The following NRXN1 variants were observed in gnomAD, a reference collection of about 807,000 sequenced individuals.
NRXN1 encodes neurexin 1, also known as neurexin-1.
NRXN1 carries 39 observed loss-of-function variants against 150.9 expected under a neutral mutation model. That is an observed-to-expected ratio of 0.26 (90% CI 0.20 to 0.34). The LOEUF (loss-of-function observed/expected upper bound fraction) is 0.34, where lower values mean the gene tolerates loss of function less well. Among genes scored for constraint, NRXN1 ranks in the 10% least tolerant of loss-of-function variants. NRXN1 has a pLI of 1.00. For synonymous variants in NRXN1, 924 were observed against 757.0 expected, an observed-to-expected ratio of 1.22 and a Z score of -3.62; for missense variants, 1,815 against 1,949.9, an observed-to-expected ratio of 0.93 and a Z score of 1.30.
At chr2:50,386,670 G>T (rs928636547) in intron 17 of NRXN1, among the ~76,000 whole-genome samples, 1 of 152,126 alleles carries the variant, frequency 6.6e-6, no homozygotes, top group East Asian at 1.9e-4. Context: ...AATGATTCAG[G>T]ATACCAAGTT....
At chr2:50,075,919 C>T (rs1285782351) in intron 19 of NRXN1, among the ~76,000 whole-genome samples, 1 of 152,140 alleles carries the variant, frequency 6.6e-6, no homozygotes, top group Non-Finnish European at 1.5e-5. Context: ...TGGGGCAGCA[C>T]CCGAGCTGTC....
chr2:50,777,021 G>A (rs958735629), intron 5 of NRXN1, among the ~76,000 whole-genome samples: 38 of 152,092 alleles, frequency 2.5e-4, no homozygotes, highest in African/African-American at 8.9e-4. Context: ...CCCTTTGCCA[G>A]CCAATTTTCT....
intron 17 of NRXN1, among the ~76,000 whole-genome samples, chr2:50,320,362 G>C (rs1357451330): frequency 1.6e-5 from 2 of 127,558 alleles, no homozygotes; most frequent in African/African-American, 5.8e-5. Context: ...TCTGGGAGTA[G>C]GAATGGGTTT....
chr2:50,111,231 A>G (rs1395084505), intron 18 of NRXN1, among the ~76,000 whole-genome samples: 1 of 152,182 alleles, frequency 6.6e-6, no homozygotes, highest in African/African-American at 2.4e-5. Flanking sequence ...CTCATGTGAT[A>G]ACAGAAGCCC....
rs1161865745 is a variant in NRXN1 at position 50,019,947 on chromosome 2, C to CAAAA, written c.4128+33320_4128+33323dup. On this transcript the variant is annotated intron_variant, in intron 21 of 22. Transcript: ENST00000401669. ...TGGGTGACAAAGCAAGACTCCGTCTCAAAAAAAAAAAAAAAAAAAAAAAAA... is the reference window on the plus strand; with the variant it reads ...TGGGTGACAAAGCAAGACTCCGTCTCAAAAAAAAAAAAAAAAAAAAAAAAAAAAA... 1.6e-3 allele frequency among the ~76,000 whole-genome samples: 69 copies of CAAAA among 43,360 alleles called. 14 individuals carry two copies. Among genetic ancestry groups the CAAAA allele is most frequent in the Non-Finnish European group, 2.2e-3 (44 of 20,380 alleles). 28.4% of individuals were successfully genotyped at this position (43,360 alleles called of 152,430 possible). A position where few individuals can be genotyped will look rare whatever the true frequency, so the allele number is the denominator to read the frequency against.
Position 50,496,055 on chromosome 2 carries a change from G to C in NRXN1, c.2920C>G (p.Leu974Val). Reference sequence around the variant, plus strand: ...GGTTTATTTGAGCTTCCTTTGATGAGGTTAGCACCATTTCCCAAATCAAAC... The same window carrying C: ...GGTTTATTTGAGCTTCCTTTGATGACGTTAGCACCATTTCCCAAATCAAAC... ...YVFDLGNGAN[L>V]IKGSSNKPLN... The change falls in exon 15 of 23, where the codon CTC (leucine) becomes GTC (valine). Residue 974 changes from leucine to valine, a missense_variant. Leu to Val is a conservative substitution (Grantham distance 32). This residue lies in a region of NRXN1 where 339 missense variants were observed against 440.3 expected (regional missense o/e 0.77). Transcript: ENST00000401669. 1 of 1,611,278 alleles carries C rather than the reference G, an allele frequency of 6.2e-7. No homozygotes were observed. The highest frequency in any genetic ancestry group is 8.5e-7 in the Non-Finnish European group (1 of 1,178,554).
intron 12 of NRXN1, among the ~76,000 whole-genome samples, chr2:50,520,400 A>G (rs578118560): frequency 6.6e-6 from 1 of 151,892 alleles, no homozygotes; most frequent in East Asian, 1.9e-4. Flanking sequence ...ACTTTTACCC[A>G]CTTTTGATTT....
At chr2:50,154,885 A>G (rs2058920016) in intron 18 of NRXN1, among the ~76,000 whole-genome samples, 1 of 151,678 alleles carries the variant, frequency 6.6e-6, no homozygotes, top group South Asian at 2.1e-4. Flanking sequence ...AAAAGCATTT[A>G]AATGTAAGCA....
intron 5 of NRXN1, among the ~76,000 whole-genome samples, chr2:50,783,245 A>T (rs569920040): frequency 1.3e-5 from 2 of 152,280 alleles, no homozygotes; most frequent in South Asian, 4.2e-4. Flanking sequence ...TAAAGCCTAC[A>T]TCGCAATCTA....
intron 5 of NRXN1, among the ~76,000 whole-genome samples, chr2:50,736,358 C>T (rs576298140): frequency 6.6e-6 from 1 of 152,306 alleles, no homozygotes; most frequent in Admixed American, 6.5e-5. Context: ...TCTCATAGAG[C>T]TCTGTGGTCC....
rs137953233 is a variant in NRXN1, at chr2:50,114,253, A to G, written c.3547-22759T>C. On this transcript the variant is annotated intron_variant, in intron 18 of 22. Coordinates refer to ENST00000401669, the MANE Select transcript of NRXN1 (RefSeq NM_001330078.2). ...TATACAAATGGCAAATACATACATG[A>G]AAGATACATAGCATCATATATCATT... Among the ~76,000 whole-genome samples the G allele has an allele frequency of 5.0e-3, 762 of 152,274 alleles. 4 individuals are homozygous for G. The highest frequency in any genetic ancestry group is 0.01 in the Middle Eastern group (3 of 294).
At chr2:50,761,714 C>T (rs2105387458) in intron 5 of NRXN1, among the ~76,000 whole-genome samples, 1 of 151,946 alleles carries the variant, frequency 6.6e-6, no homozygotes, top group Admixed American at 6.6e-5. Context: ...ACATTTGAGT[C>T]AGTGGACTGG....
At chr2:50,010,614 C>G (rs1382412801) in intron 21 of NRXN1, among the ~76,000 whole-genome samples, 1 of 152,082 alleles carries the variant, frequency 6.6e-6, no homozygotes, top group Non-Finnish European at 1.5e-5. Context: ...GAGACTCAGA[C>G]ACTGTAGCAG....
chr2:50,315,574 A>G (rs2075533588), intron 17 of NRXN1, among the ~76,000 whole-genome samples: 1 of 152,070 alleles, frequency 6.6e-6, no homozygotes, highest in Non-Finnish European at 1.5e-5. Flanking sequence ...CGGTGATCCA[A>G]ATTGTCTCCT....
intron 19 of NRXN1, among the ~76,000 whole-genome samples, chr2:50,083,661 T>C (rs2152687123): frequency 6.6e-6 from 1 of 152,262 alleles, no homozygotes; most frequent in South Asian, 2.1e-4. Flanking sequence ...CCCACCCACA[T>C]CCTGCTGATC....
intron 5 of NRXN1, among the ~76,000 whole-genome samples, chr2:50,777,564 T>C (rs1703817729): frequency 6.6e-6 from 1 of 152,166 alleles, no homozygotes; most frequent in Non-Finnish European, 1.5e-5. Context: ...GGCAACCAAG[T>C]ACCATAAAAC....
At chr2:50,775,623 T>G (rs762458437) in intron 5 of NRXN1, among the ~76,000 whole-genome samples, 2 of 152,038 alleles carry the variant, frequency 1.3e-5, no homozygotes, top group Non-Finnish European at 2.9e-5. Context: ...GAGAGATAAT[T>G]TATTAGAGGA....
chr2:50,675,000 C>T (rs1021738575), intron 5 of NRXN1, among the ~76,000 whole-genome samples: 28 of 151,700 alleles, frequency 1.8e-4, no homozygotes, highest in African/African-American at 6.8e-4. Flanking sequence ...TCAGAAATGG[C>T]TTGGTGTTGT....
chr2:50,494,808 G>A (rs916652115), intron 15 of NRXN1, among the ~76,000 whole-genome samples: 26 of 152,044 alleles, frequency 1.7e-4, no homozygotes, highest in African/African-American at 5.8e-4. Context: ...TGAGGCAGGC[G>A]GATCACCTGA....
Sources: gnomAD v4.1 joint callset for allele counts (sites outside exome capture counted in the v4.1 genomes callset) on GRCh38, gnomAD v4.1.1 for gene constraint, gnomAD v4.1.1 regional missense constraint, MANE v1.5 for transcripts, NCBI Gene and HGNC (gene_info 2026-07-23, HGNC 2026-07-21) for gene names.